The following ZNF608 variants were observed in gnomAD, a reference collection of about 807,000 sequenced individuals.
ZNF608 encodes the protein zinc finger protein 608.
ZNF608 carries 12 observed loss-of-function variants against 109.0 expected under a neutral mutation model. The ratio of observed to expected loss-of-function variants is 0.11; its 90% CI spans 0.07 to 0.18. The LOEUF is 0.18. Among genes scored for constraint, ZNF608 ranks in the 10% least tolerant of loss-of-function variants. The pLI is 1.00. For missense variants in ZNF608, 1,707 were observed against 1,879.3 expected (o/e 0.91, Z 1.70); for synonymous variants, 732 against 717.4 (o/e 1.02, Z -0.33).
At chr5:124,701,361 A>G in intron 2 of ZNF608, 92 bp from the exon 3 acceptor site, 1 of 1,447,682 alleles carries the variant, frequency 6.9e-7, no homozygotes, top group Non-Finnish European at 9.4e-7. Context: ...ATATATCACC[A>G]TTCCAAATTC....
intron 3 of ZNF608, among the ~76,000 whole-genome samples, chr5:124,687,933 A>T (rs889281731): frequency 1.5e-4 from 23 of 152,192 alleles, no homozygotes; most frequent in Admixed American, 8.5e-4. Flanking sequence ...GCACTTGGGC[A>T]TGCCAGGGAA....
intron 3 of ZNF608, among the ~76,000 whole-genome samples, chr5:124,683,035 T>TCTCC (rs1161470594): frequency 1.3e-5 from 2 of 152,048 alleles, no homozygotes; most frequent in Admixed American, 1.3e-4. Flanking sequence ...TCTCTCTCTC[T>TCTCC]CTCCCCCTCT....
chr5:124,646,133 T>C (rs962232139), intron 5 of ZNF608, among the ~76,000 whole-genome samples: 3 of 151,976 alleles, frequency 2.0e-5, no homozygotes, highest in Non-Finnish European at 2.9e-5. Flanking sequence ...GAGGCCAGGG[T>C]GGGCGGATCA....
chr5:124,694,903 G>C (rs924347757), intron 3 of ZNF608, among the ~76,000 whole-genome samples: 3 of 152,258 alleles, frequency 2.0e-5, no homozygotes, highest in African/African-American at 7.2e-5. Flanking sequence ...TGGCAAGATG[G>C]CCCAGGAAGC....
In ZNF608 at chr5:124,706,064, A is replaced by G. The variant is rs540167852; in HGVS notation, c.907-4795T>C. On this transcript the variant is annotated intron_variant, in intron 2 of 9. Transcript: ENST00000513986. Reference sequence around the variant, plus strand: ...TCAGATAATCATACAAATATAGCAAAATTACAAGGATAATTGTAGAACTAC... The same window carrying G: ...TCAGATAATCATACAAATATAGCAAGATTACAAGGATAATTGTAGAACTAC... Among the ~76,000 whole-genome samples, 43 of 152,290 alleles carry G rather than the reference A, an allele frequency of 2.8e-4. No homozygotes were observed. In the South Asian group the frequency reaches 8.9e-3, roughly 32 times the overall value.
chr5:124,638,984 G>A (rs886605698), intron 9 of ZNF608, 149 bp downstream of exon 9: 2 of 839,150 alleles, frequency 2.4e-6, no homozygotes, highest in South Asian at 1.8e-5. Flanking sequence ...TGCATGTGAA[G>A]CAACTTATAT....
chr5:124,703,397 C>T (rs1219526375), intron 2 of ZNF608, among the ~76,000 whole-genome samples: 1 of 152,084 alleles, frequency 6.6e-6, no homozygotes, highest in Non-Finnish European at 1.5e-5. Flanking sequence ...AGGATTGGCG[C>T]CAACTCTGAT....
chr5:124,672,326 G>T (rs1223174642), intron 3 of ZNF608, among the ~76,000 whole-genome samples: 1 of 152,094 alleles, frequency 6.6e-6, no homozygotes, highest in Non-Finnish European at 1.5e-5. Context: ...TTAAAAAAAA[G>T]GAATTCTTAT....
chr5:124,680,626 G>T (rs1752153764), intron 3 of ZNF608, among the ~76,000 whole-genome samples: 1 of 152,168 alleles, frequency 6.6e-6, no homozygotes, highest in African/African-American at 2.4e-5. Flanking sequence ...ACTCATAGAA[G>T]CAGACAGCCA....
chr5:124,643,645 C>A lies in ZNF608; in HGVS notation c.4162G>T (p.Gly1388Trp). Reference sequence around the variant, plus strand: ...GTCTCTTCTCTCCCTGACATCTTCCCATAAACAGGATAATGAAATCCTGGA... The same window carrying A: ...GTCTCTTCTCTCCCTGACATCTTCCAATAAACAGGATAATGAAATCCTGGA... Reference protein sequence around the residue: ...LSPGFHYPVYGKMSGREETEK... With the variant: ...LSPGFHYPVYWKMSGREETEK... The change falls in exon 7 of 10, where the codon GGG becomes TGG. Residue 1388 changes from glycine (G) to tryptophan (W), a missense_variant. By Grantham distance (184) the Gly-to-Trp change is radical. Transcript: ENST00000513986. 1 of 1,614,094 alleles carries A rather than the reference C, an allele frequency of 6.2e-7. No individual in the cohort carries two copies. Among genetic ancestry groups the A allele is most frequent in the Non-Finnish European group, 8.5e-7 (1 of 1,180,002 alleles).
intron 2 of ZNF608, among the ~76,000 whole-genome samples, chr5:124,727,050 T>A (rs913889526): frequency 1.2e-4 from 19 of 152,172 alleles, no homozygotes; most frequent in African/African-American, 4.6e-4. Flanking sequence ...AGCTTCAAAA[T>A]CACAGTGAGA....
chr5:124,649,558 TC>T (rs35027604), intron 4 of ZNF608, 51 bp downstream of exon 4: 1 of 1,403,306 alleles, frequency 7.1e-7, no homozygotes. Flanking sequence ...CTCTACAGTT[TC>T]CCTGCAAAGA....
rs765815494 is a variant in ZNF608 at position 124,701,315 on chromosome 5, T to C, written c.907-46A>G. The C allele has an allele frequency of 1.9e-6, 3 of 1,600,558 alleles. No homozygotes were observed. The East Asian group carries it at 6.7e-5, about 36-fold the overall frequency. ...CTGCAGTAGTGCTGCATTCCGTGAA[T>C]TCCTTTTAATGCAATTTGCTTATAT... On this transcript the variant is annotated intron_variant, in intron 2 of 9. Coordinates refer to ENST00000513986, the MANE Select transcript of ZNF608 (RefSeq NM_020747.3).
intron 2 of ZNF608, among the ~76,000 whole-genome samples, chr5:124,739,182 C>A (rs1276999998): frequency 1.3e-5 from 2 of 152,114 alleles, no homozygotes; most frequent in Non-Finnish European, 2.9e-5. Context: ...TCATTTATCT[C>A]AGGGAGGCAC....
Position 124,637,722 on chromosome 5 carries a change from A to T in ZNF608, c.*178T>A. 1 of 449,092 alleles carries T rather than the reference A, an allele frequency of 2.2e-6. No individual in the cohort carries two copies. Among genetic ancestry groups the T allele is most frequent in the Non-Finnish European group, 4.0e-6 (1 of 251,222 alleles). 27.8% of individuals were successfully genotyped at this position (449,092 alleles called of 1,614,324 possible). ...ATGTATACGTATATATATATAAAAC[A>T]GAAGTTTAATTACAGCAACATTTGT... On this transcript the variant is annotated 3_prime_UTR_variant, in exon 10 of 10. Coordinates refer to ENST00000513986, the MANE Select transcript of ZNF608 (RefSeq NM_020747.3).
upstream of ZNF608, chr5:124,748,441 G>A: frequency 1.4e-6 from 1 of 700,544 alleles, no homozygotes; most frequent in Non-Finnish European, 1.8e-6. Flanking sequence ...CCTGTAACTA[G>A]TTCCTCATTT....
chr5:124,693,437 C>A (rs1202669455), intron 3 of ZNF608, among the ~76,000 whole-genome samples: 1 of 152,136 alleles, frequency 6.6e-6, no homozygotes, highest in Non-Finnish European at 1.5e-5. Context: ...TTTACTATAA[C>A]TAAGTCCTAA....
At position 124,746,335 on chromosome 5, in the gene ZNF608, A is replaced by G; in HGVS notation, c.-324T>C. Reference sequence around the variant, plus strand: ...AGAAACCAAATAACACATCTCAGCCAGAATAATCACTCGATAACATTATTC... The same window carrying G: ...AGAAACCAAATAACACATCTCAGCCGGAATAATCACTCGATAACATTATTC... On this transcript the variant is annotated 5_prime_UTR_variant, in exon 1 of 10. Coordinates refer to ENST00000513986, the MANE Select transcript of ZNF608 (RefSeq NM_020747.3). 1 of 985,446 alleles carries G rather than the reference A, an allele frequency of 1.0e-6. No individual in the cohort carries two copies. The highest frequency in any genetic ancestry group is 4.7e-5 in the South Asian group (1 of 21,294). The allele number at this position is 985,446 out of a possible 1,614,324, so 61.0% of individuals were successfully genotyped here. A position where few individuals can be genotyped will look rare whatever the true frequency, so the allele number is the denominator to read the frequency against.
chr5:124,676,969 T>C (rs1180191315), intron 3 of ZNF608, among the ~76,000 whole-genome samples: 2 of 152,208 alleles, frequency 1.3e-5, no homozygotes, highest in Admixed American at 1.3e-4. Flanking sequence ...GAAGGATCAC[T>C]GAGGGGTTAA....
Sources: gnomAD v4.1 joint callset for allele counts (sites outside exome capture counted in the v4.1 genomes callset) on GRCh38, gnomAD v4.1.1 for gene constraint, MANE v1.5 for transcripts, NCBI Gene and HGNC (gene_info 2026-07-23, HGNC 2026-07-21) for gene names.